STK3: variants seen among roughly 807,000 people sequenced by gnomAD.
STK3 encodes the protein serine/threonine-protein kinase 3.
A neutral mutation model predicts 58.0 loss-of-function variants in STK3; 41 were observed. The ratio of observed to expected loss-of-function variants is 0.71; its 90% confidence interval spans 0.55 to 0.92. The LOEUF is 0.92. Among genes scored for constraint, STK3 ranks in the 40% least tolerant of loss-of-function variants. The pLI is 0.00. For missense variants in STK3, 479 were observed against 602.7 expected, an observed-to-expected ratio of 0.79 and a Z score of 2.15; for synonymous variants, 170 against 191.0, an observed-to-expected ratio of 0.89 and a Z score of 0.91.
intron 1 of STK3, among the ~76,000 whole-genome samples, chr8:98,884,482 A>G (rs1306854720): frequency 6.6e-6 from 1 of 152,222 alleles, no homozygotes. Context: ...AGACTAAGGA[A>G]TTAACAATAC....
intron 1 of STK3, among the ~76,000 whole-genome samples, chr8:98,886,834 A>G (rs769787660): frequency 6.6e-6 from 1 of 152,186 alleles, no homozygotes. Context: ...ACGGTGGCTC[A>G]TGTCTGTAAT....
At chr8:98,550,393 C>G (rs993104577) in intron 8 of STK3, among the ~76,000 whole-genome samples, 6 of 152,120 alleles carry the variant, frequency 3.9e-5, no homozygotes, top group Admixed American at 3.9e-4. Flanking sequence ...TACGTAAATA[C>G]TTAAAGATGT....
At chr8:98,476,775 C>G (rs995937291) in intron 10 of STK3, among the ~76,000 whole-genome samples, 2 of 152,152 alleles carry the variant, frequency 1.3e-5, no homozygotes, top group Admixed American at 6.5e-5. Context: ...ACAGTCAACT[C>G]AAAATGTTTC....
chr8:98,483,600 T>C (rs561196635), intron 10 of STK3, among the ~76,000 whole-genome samples: 13 of 152,326 alleles, frequency 8.5e-5, no homozygotes, highest in African/African-American at 3.1e-4. Flanking sequence ...TCCTGCCAAA[T>C]GCTGCAGGAA....
intron 3 of STK3, among the ~76,000 whole-genome samples, chr8:98,426,795 G>C (rs1374253410): frequency 6.6e-6 from 1 of 152,164 alleles, no homozygotes; most frequent in Non-Finnish European, 1.5e-5. Context: ...GCTGTCACCG[G>C]GGGATGGTCG....
At chr8:98,861,291 T>C (rs1342221162) in intron 3 of STK3, among the ~76,000 whole-genome samples, 1 of 151,700 alleles carries the variant, frequency 6.6e-6, no homozygotes. Flanking sequence ...ACACTTTACA[T>C]GTCATTAACA....
chr8:98,533,535 T>C (rs763973243), intron 9 of STK3, among the ~76,000 whole-genome samples: 10 of 152,180 alleles, frequency 6.6e-5, no homozygotes, highest in Non-Finnish European at 1.3e-4. Flanking sequence ...TCTCCCATGC[T>C]GGAGTGCAGT....
intron 9 of STK3, among the ~76,000 whole-genome samples, chr8:98,538,475 C>T (rs992285244): frequency 4.6e-5 from 7 of 152,066 alleles, no homozygotes; most frequent in East Asian, 3.9e-4. Context: ...TGAGAAAGAA[C>T]TTAATAAGTA....
chr8:98,789,947 G>A (rs1297231260), intron 1 of STK3, among the ~76,000 whole-genome samples: 1 of 147,558 alleles, frequency 6.8e-6, no homozygotes. Flanking sequence ...AGAATTGCTT[G>A]AACCCGGGAG....
At chr8:98,418,027 A>T (rs113622171) in intron 3 of STK3, among the ~76,000 whole-genome samples, 15,508 of 152,208 alleles carry the variant, frequency 0.1, 872 homozygotes, top group Non-Finnish European at 0.12. Flanking sequence ...CTCCTGCCTC[A>T]GGTTCTCCAG....
intron 3 of STK3, among the ~76,000 whole-genome samples, chr8:98,858,309 T>TAGAGAG (rs1564065758): frequency 2.8e-5 from 2 of 70,918 alleles, no homozygotes; most frequent in East Asian, 1.1e-3. Flanking sequence ...TATATATATA[T>TAGAGAG]ATATATATAT....
At chr8:98,816,339 C>A (rs1289554983) in intron 1 of STK3, among the ~76,000 whole-genome samples, 1 of 152,060 alleles carries the variant, frequency 6.6e-6, no homozygotes, top group Non-Finnish European at 1.5e-5. Context: ...CATGGCAAGA[C>A]CCCATGTCTA....
chr8:98,433,685 A>G (rs1586560483), intron 3 of STK3, among the ~76,000 whole-genome samples: 2 of 152,234 alleles, frequency 1.3e-5, no homozygotes, highest in Non-Finnish European at 2.9e-5. Flanking sequence ...CATTCTAGCC[A>G]TGAGCCGATC....
intron 1 of STK3, among the ~76,000 whole-genome samples, chr8:98,892,924 C>A (rs559940093): frequency 6.6e-6 from 1 of 152,074 alleles, no homozygotes; most frequent in South Asian, 2.1e-4. Flanking sequence ...TTTCTTACTA[C>A]AGCTCTCTAA....
At chr8:98,644,510 T>C (rs958856632) in intron 6 of STK3, among the ~76,000 whole-genome samples, 1 of 152,190 alleles carries the variant, frequency 6.6e-6, no homozygotes, top group Non-Finnish European at 1.5e-5. Context: ...TTACAGTCTG[T>C]GACCAAATAT....
intron 4 of STK3, among the ~76,000 whole-genome samples, chr8:98,745,259 T>C (rs1190360712): frequency 6.6e-6 from 1 of 152,228 alleles, no homozygotes; most frequent in Admixed American, 6.5e-5. Flanking sequence ...CAAAACATTA[T>C]TTCTGTTTGT....
intron 6 of STK3, among the ~76,000 whole-genome samples, chr8:98,601,222 C>T (rs1336547478): frequency 6.6e-6 from 1 of 151,952 alleles, no homozygotes; most frequent in Non-Finnish European, 1.5e-5. Flanking sequence ...AAATTATACT[C>T]GCAATTGCAA....
At chr8:98,451,033 T>G (rs1435922138), downstream of STK3, among the ~76,000 whole-genome samples, 1 of 152,170 alleles carries the variant, frequency 6.6e-6, no homozygotes, top group Non-Finnish European at 1.5e-5. Flanking sequence ...CCTCCCTTTC[T>G]TTTTCACCAA....
chr8:98,394,950 A>T (rs571108932), intron 3 of STK3, among the ~76,000 whole-genome samples: 2 of 152,284 alleles, frequency 1.3e-5, no homozygotes, highest in South Asian at 2.1e-4. Context: ...AAGCATTTCA[A>T]TGTTTGTTTA....
Sources: gnomAD v4.1 joint callset for allele counts (sites outside exome capture counted in the v4.1 genomes callset) on GRCh38, gnomAD v4.1.1 for gene constraint, MANE v1.5 for transcripts, NCBI Gene and HGNC (gene_info 2026-07-23, HGNC 2026-07-21) for gene names.